CADM2: variants seen among roughly 807,000 people sequenced by gnomAD.
The protein encoded by CADM2 is cell adhesion molecule 2.
Under a neutral mutation model 49.8 loss-of-function variants are expected in CADM2, and 12 were observed. The observed-to-expected ratio is 0.24, with a 90% CI of 0.15 to 0.39. The LOEUF is 0.39. CADM2 is among the 10% of genes least tolerant of loss of function. CADM2 has a pLI of 1.00. For missense variants in CADM2, 378 were observed against 492.3 expected (o/e 0.77, Z 2.20); for synonymous variants, 214 against 175.4 (o/e 1.22, Z -1.74).
At chr3:85,043,006 A>G (rs1181332270) in intron 1 of CADM2, among the ~76,000 whole-genome samples, 2 of 152,152 alleles carry the variant, frequency 1.3e-5, no homozygotes, top group Non-Finnish European at 2.9e-5. Flanking sequence ...AAGAAATGGT[A>G]CTTCCATGAA....
intron 1 of CADM2, among the ~76,000 whole-genome samples, chr3:85,273,079 A>C (rs767958046): frequency 6.6e-6 from 1 of 151,256 alleles, no homozygotes; most frequent in Non-Finnish European, 1.5e-5. Context: ...AAAGGAGTGA[A>C]TAACATGAAT....
At chr3:85,237,231 T>A (rs1455343023) in intron 1 of CADM2, among the ~76,000 whole-genome samples, 1 of 151,936 alleles carries the variant, frequency 6.6e-6, no homozygotes, top group African/African-American at 2.4e-5. Flanking sequence ...AAATGAAGGA[T>A]TGTTGGAAGC....
At chr3:86,021,898 A>T (rs778331330) in intron 8 of CADM2, among the ~76,000 whole-genome samples, 1 of 152,156 alleles carries the variant, frequency 6.6e-6, no homozygotes, top group South Asian at 2.1e-4. Context: ...AAGTCTAGAG[A>T]TCTAATACAC....
chr3:85,225,691 G>T (rs1238662139), intron 1 of CADM2, among the ~76,000 whole-genome samples: 1 of 152,150 alleles, frequency 6.6e-6, no homozygotes, highest in African/African-American at 2.4e-5. Context: ...TTTTCAAAGG[G>T]AATGCTTTCA....
intron 1 of CADM2, among the ~76,000 whole-genome samples, chr3:85,145,143 C>T (rs2039700162): frequency 6.6e-6 from 1 of 152,090 alleles, no homozygotes; most frequent in African/African-American, 2.4e-5. Context: ...TTAACACATC[C>T]TATGTTTTTA....
chr3:85,964,112 C>T (rs962969153), intron 8 of CADM2, among the ~76,000 whole-genome samples: 15 of 151,800 alleles, frequency 9.9e-5, no homozygotes, highest in Non-Finnish European at 1.8e-4. Flanking sequence ...CTACTCTCTT[C>T]TTTTAATGGT....
chr3:85,804,396 G>A (rs1159463424), intron 3 of CADM2, among the ~76,000 whole-genome samples: 3 of 151,954 alleles, frequency 2.0e-5, no homozygotes, highest in African/African-American at 7.3e-5. Flanking sequence ...TTGCTTATTA[G>A]CAGTTTTTGA....
At chr3:85,927,911 A>C (rs1720085876) in intron 6 of CADM2, among the ~76,000 whole-genome samples, 1 of 152,146 alleles carries the variant, frequency 6.6e-6, no homozygotes, top group African/African-American at 2.4e-5. Context: ...GTGATGGATA[A>C]ATTTTGTTAA....
intron 7 of CADM2, among the ~76,000 whole-genome samples, chr3:85,948,590 T>A (rs9309997): frequency 0.22 from 32,758 of 151,108 alleles, 4,019 homozygotes; most frequent in African/African-American, 0.34. Context: ...AAAAAATACA[T>A]CCTAAAAGAA....
intron 8 of CADM2, among the ~76,000 whole-genome samples, chr3:85,991,348 C>T (rs1401782620): frequency 6.6e-6 from 1 of 152,138 alleles, no homozygotes; most frequent in African/African-American, 2.4e-5. Flanking sequence ...ACTTAATTCT[C>T]AGGCCCAATT....
At chr3:85,202,400 A>G (rs770486200) in intron 1 of CADM2, among the ~76,000 whole-genome samples, 3 of 152,148 alleles carry the variant, frequency 2.0e-5, no homozygotes, top group Non-Finnish European at 4.4e-5. Flanking sequence ...TCCTTGATCC[A>G]TCAGCTGCAG....
intron 1 of CADM2, among the ~76,000 whole-genome samples, chr3:85,337,707 T>C (rs2045127304): frequency 6.6e-6 from 1 of 151,438 alleles, no homozygotes; most frequent in African/African-American, 2.4e-5. Flanking sequence ...CTCTTTTTTC[T>C]ACAAAATCTA....
intron 1 of CADM2, among the ~76,000 whole-genome samples, chr3:85,592,516 A>T (rs2063134382): frequency 6.6e-6 from 1 of 151,924 alleles, no homozygotes; most frequent in African/African-American, 2.4e-5. Flanking sequence ...GCCCACAGGA[A>T]TCATAGGTTA....
intron 1 of CADM2, among the ~76,000 whole-genome samples, chr3:85,430,830 GC>G (rs1339737890): frequency 6.6e-6 from 1 of 152,096 alleles, no homozygotes; most frequent in African/African-American, 2.4e-5. Context: ...CTGGAAATAA[GC>G]AGAAGGGATC....
chr3:85,848,434 G>T (rs562181373), intron 3 of CADM2, among the ~76,000 whole-genome samples: 1 of 152,046 alleles, frequency 6.6e-6, no homozygotes, highest in Non-Finnish European at 1.5e-5. Context: ...TTTTGAGAAG[G>T]AGATAATTAA....
intron 1 of CADM2, among the ~76,000 whole-genome samples, chr3:85,071,220 G>C (rs2036731201): frequency 6.6e-6 from 1 of 151,818 alleles, no homozygotes; most frequent in Admixed American, 6.6e-5. Flanking sequence ...GGAAAGAAGG[G>C]AAGACAGAAG....
intron 1 of CADM2, among the ~76,000 whole-genome samples, chr3:85,616,343 CAT>C (rs1485411106): frequency 2.6e-5 from 4 of 152,092 alleles, no homozygotes; most frequent in Admixed American, 2.6e-4. Context: ...AATTTACATA[CAT>C]ATAAATAGCA....
chr3:85,418,946 C>T (rs1386803012), intron 1 of CADM2, among the ~76,000 whole-genome samples: 1 of 145,840 alleles, frequency 6.9e-6, no homozygotes, highest in Non-Finnish European at 1.5e-5. Context: ...ATTTTTAAAG[C>T]TTGTTTGGTT....
chr3:85,646,010 C>CT (rs532405894), intron 1 of CADM2, among the ~76,000 whole-genome samples: 27 of 151,846 alleles, frequency 1.8e-4, no homozygotes, highest in Admixed American at 7.2e-4. Flanking sequence ...AGCAGTAATA[C>CT]TTTTTTTTGT....
Sources: allele counts gnomAD v4.1 joint callset (sites outside exome capture counted in the v4.1 genomes callset), GRCh38; gene constraint gnomAD v4.1.1; transcripts MANE v1.5; gene names NCBI Gene and HGNC (gene_info 2026-07-23, HGNC 2026-07-21).